Variants in SH3RF2 observed in about 807,000 individuals in gnomAD.
The protein encoded by SH3RF2 is SH3 domain containing ring finger 2.
SH3RF2 carries 43 observed loss-of-function variants against 59.0 expected under a neutral mutation model. The observed-to-expected ratio is 0.73, with a 90% CI of 0.57 to 0.94. The LOEUF is 0.94. Among genes scored for constraint, SH3RF2 ranks in the 40% least tolerant of loss-of-function variants. The pLI, the probability that SH3RF2 is intolerant of heterozygous loss-of-function variation, is 0.00. For missense variants in SH3RF2, 930 were observed against 940.1 expected (o/e 0.99, Z 0.14); for synonymous variants, 391 against 391.5 (o/e 1.00, Z 0.01).
At chr5:146,028,163 A>AACAC (rs10586561) in intron 5 of SH3RF2, among the ~76,000 whole-genome samples, 2,098 of 142,352 alleles carry the variant, frequency 0.015, 36 homozygotes, top group African/African-American at 0.038. Context: ...TGAGGCCTGC[A>AACAC]ACACACACAC....
At chr5:146,028,426 G>A (rs1409875217) in intron 5 of SH3RF2, among the ~76,000 whole-genome samples, 2 of 152,172 alleles carry the variant, frequency 1.3e-5, no homozygotes, top group African/African-American at 2.4e-5. Flanking sequence ...AATTAATAGC[G>A]TCTTCCACAC....
At chr5:145,944,779 C>A (rs1345990014) in intron 2 of SH3RF2, among the ~76,000 whole-genome samples, 1 of 152,148 alleles carries the variant, frequency 6.6e-6, no homozygotes, top group African/African-American at 2.4e-5. Flanking sequence ...CTTGTATTAG[C>A]CTCTTAGTAA....
chr5:145,948,731 C>T (rs1180045535), intron 2 of SH3RF2, among the ~76,000 whole-genome samples: 2 of 152,192 alleles, frequency 1.3e-5, no homozygotes, highest in East Asian at 3.9e-4. Context: ...GCCTCTGTTC[C>T]TCCGGAAGTC....
At chr5:145,990,516 T>G (rs76308227) in intron 2 of SH3RF2, among the ~76,000 whole-genome samples, 1,711 of 152,316 alleles carry the variant, frequency 0.011, 34 homozygotes, top group African/African-American at 0.039. Context: ...ATAACCTGCC[T>G]ATCAGAAGGT....
chr5:145,986,131 T>C (rs1300657438), intron 2 of SH3RF2, among the ~76,000 whole-genome samples: 2 of 152,198 alleles, frequency 1.3e-5, no homozygotes, highest in Non-Finnish European at 2.9e-5. Context: ...AGAGGTTCAG[T>C]ACCTCATTCA....
chr5:146,081,438 C>T (rs1763424162), exon 10 of SH3RF2: 1 of 152,208 alleles, frequency 6.6e-6, no homozygotes, highest in African/African-American at 2.4e-5. Context: ...CTGTGGTAGA[C>T]TCAGTGCTTT....
intron 5 of SH3RF2, among the ~76,000 whole-genome samples, chr5:146,037,697 C>A (rs921877322): frequency 2.0e-5 from 3 of 152,200 alleles, no homozygotes; most frequent in Non-Finnish European, 2.9e-5. Flanking sequence ...AATTTAAAAT[C>A]TTCCTATACA....
chr5:146,067,018 T>C (rs2962533), downstream of SH3RF2, among the ~76,000 whole-genome samples: 144,049 of 152,148 alleles, frequency 0.95, 68,709 homozygotes, highest in East Asian at 1. Flanking sequence ...CTGAGGACCA[T>C]ACCTGAGGAA....
intron 2 of SH3RF2, among the ~76,000 whole-genome samples, chr5:145,982,461 A>T (rs1759540873): frequency 6.6e-6 from 1 of 152,234 alleles, no homozygotes; most frequent in African/African-American, 2.4e-5. Context: ...CCCACAGAGA[A>T]GTCTGGCTGA....
chr5:146,032,727 C>G (rs1427980716), intron 5 of SH3RF2, among the ~76,000 whole-genome samples: 1 of 152,138 alleles, frequency 6.6e-6, no homozygotes, highest in Non-Finnish European at 1.5e-5. Context: ...ACAAGTGTGC[C>G]CATAAATCAC....
At chr5:145,954,814 G>A (rs955018491) in intron 2 of SH3RF2, among the ~76,000 whole-genome samples, 1 of 152,110 alleles carries the variant, frequency 6.6e-6, no homozygotes, top group African/African-American at 2.4e-5. Context: ...TACAATCATG[G>A]CAGAAGGCAA....
At chr5:146,072,381 T>C (rs938121505) in intron 9 of SH3RF2, among the ~76,000 whole-genome samples, 7 of 152,108 alleles carry the variant, frequency 4.6e-5, no homozygotes, top group African/African-American at 1.4e-4. Context: ...AATATAAAAA[T>C]AGAATCTCAG....
rs58969487 is a variant in SH3RF2, at chr5:145,987,310, T to C, written c.379-12748T>C. ...CACCCATCACCTGAGCAATATATACTGCACCTTATTTGAGTTCTTTTATCC... is the reference window on the plus strand; with the variant it reads ...CACCCATCACCTGAGCAATATATACCGCACCTTATTTGAGTTCTTTTATCC... On this transcript the variant is annotated intron_variant, in intron 2 of 9. Transcript: ENST00000359120. Among the ~76,000 whole-genome samples, 383 of 152,308 alleles carry C rather than the reference T, an allele frequency of 2.5e-3. 9 individuals are homozygous for C. Among genetic ancestry groups the C allele is most frequent in the African/African-American group, 8.3e-3 (344 of 41,564 alleles).
intron 5 of SH3RF2, among the ~76,000 whole-genome samples, chr5:146,029,933 A>T (rs967676251): frequency 6.6e-6 from 1 of 152,220 alleles, no homozygotes; most frequent in African/African-American, 2.4e-5. Flanking sequence ...TTCCCATCCC[A>T]AAACAATCAA....
At chr5:145,968,785 C>T (rs1037819341) in intron 2 of SH3RF2, among the ~76,000 whole-genome samples, 1 of 152,108 alleles carries the variant, frequency 6.6e-6, no homozygotes, top group African/African-American at 2.4e-5. Context: ...ATTTTAAATG[C>T]TCAATAGCCA....
chr5:145,978,561 T>C (rs990928757), intron 2 of SH3RF2, among the ~76,000 whole-genome samples: 1 of 152,154 alleles, frequency 6.6e-6, no homozygotes. Context: ...AAAGCAGCAA[T>C]CATTTCAGTA....
rs368157408 is a variant in SH3RF2, at chr5:146,076,557, G to A, written c.*34-1903G>A. 3.6e-3 allele frequency among the ~76,000 whole-genome samples: 555 copies of A among 152,302 alleles called. 1 individual carries two copies. Among genetic ancestry groups the A allele is most frequent in the Non-Finnish European group, 6.3e-3 (431 of 68,024 alleles). On this transcript the variant is annotated intron_variant, in intron 9 of 9. Transcript: ENST00000511217. Reference sequence around the variant, plus strand: ...GTGTAATTTATTGACATGGTGAGACGCAGAATGCATCCTCGTTATCAAGGA... The same window carrying A: ...GTGTAATTTATTGACATGGTGAGACACAGAATGCATCCTCGTTATCAAGGA...
chr5:146,080,514 T>TA (rs1280323292), exon 10 of SH3RF2: 1 of 152,140 alleles, frequency 6.6e-6, no homozygotes, highest in African/African-American at 2.4e-5. Flanking sequence ...ATAAAACATA[T>TA]AAAAAATGAT....
At position 146,062,277 on chromosome 5, in the gene SH3RF2, A is replaced by G. The variant is rs9686097; in HGVS notation, c.1915-149A>G. ...CTCCTCTGCATTCTCAGCATCTTGT[A>G]CTTCCCCCATCTTAGCACTTGACAC... On this transcript the variant is annotated intron_variant, in intron 9 of 9. Coordinates refer to ENST00000359120, the MANE Select transcript of SH3RF2 (RefSeq NM_152550.4). 13,086 of 984,978 alleles carry G rather than the reference A, an allele frequency of 0.013. 886 individuals carry two copies. The African/African-American group carries it at 0.16, about 12-fold the overall frequency. The allele number at this position is 984,978 out of a possible 1,614,324, so 61.0% of individuals were successfully genotyped here. A position where few individuals can be genotyped will look rare whatever the true frequency, so the allele number is the denominator to read the frequency against.
Sources: allele counts gnomAD v4.1 joint callset (sites outside exome capture counted in the v4.1 genomes callset), GRCh38; gene constraint gnomAD v4.1.1; transcripts MANE v1.5; gene names NCBI Gene and HGNC (gene_info 2026-07-23, HGNC 2026-07-21).